Variants in RAB3C observed in about 807,000 individuals in gnomAD.
RAB3C encodes the protein ras-related protein Rab-3C.
A neutral mutation model predicts 26.4 loss-of-function variants in RAB3C; 17 were observed. That is an observed-to-expected ratio of 0.64 (90% confidence interval 0.44 to 0.97). The LOEUF is 0.97. Among genes scored for constraint, RAB3C ranks in the 50% least tolerant of loss-of-function variants. The pLI is 0.00. For missense variants in RAB3C, 242 were observed against 281.9 expected, an observed-to-expected ratio of 0.86 and a Z score of 1.01; for synonymous variants, 91 against 95.9, an observed-to-expected ratio of 0.95 and a Z score of 0.30.
chr5:58,636,008 G>A lies in RAB3C; in HGVS notation c.252+18138G>A, dbSNP rs545044252. 3.9e-5 allele frequency among the ~76,000 whole-genome samples: 6 copies of A among 152,316 alleles called. No homozygotes were observed. In the East Asian group the frequency reaches 1.2e-3, roughly 29 times the overall value. On this transcript the variant is annotated intron_variant, in intron 2 of 4. Transcript: ENST00000282878. ...ATGCTGTCAAATTAGGAAAGTTAAA[G>A]AACGGGCCAAAGAGAATATAGTATT...
chr5:58,589,661 C>G (rs567060017), intron 1 of RAB3C, among the ~76,000 whole-genome samples: 7 of 152,138 alleles, frequency 4.6e-5, no homozygotes, highest in African/African-American at 1.7e-4. Flanking sequence ...GAATAGCATC[C>G]CTCCCAAAAT....
chr5:58,849,894 TC>T (rs1270845964), intron 4 of RAB3C, among the ~76,000 whole-genome samples: 1 of 152,246 alleles, frequency 6.6e-6, no homozygotes, highest in Non-Finnish European at 1.5e-5. Flanking sequence ...CTGTTCTTTT[TC>T]CTTTGGCCCC....
At chr5:58,797,241 C>G (rs1472901267) in intron 3 of RAB3C, among the ~76,000 whole-genome samples, 3 of 150,976 alleles carry the variant, frequency 2.0e-5, no homozygotes, top group East Asian at 1.9e-4. Context: ...TAAATATCCT[C>G]TAGCTCACTG....
intron 3 of RAB3C, among the ~76,000 whole-genome samples, chr5:58,739,069 T>C (rs1258484993): frequency 6.6e-6 from 1 of 152,246 alleles, no homozygotes; most frequent in African/African-American, 2.4e-5. Context: ...TGTTGATTAT[T>C]CTGTTTAGAA....
chr5:58,822,953 G>A, intron 3 of RAB3C: 1 of 636,694 alleles, frequency 1.6e-6, no homozygotes, highest in Non-Finnish European at 3.0e-6. Flanking sequence ...TTTGGATGTA[G>A]GCCTTGCCAG....
chr5:58,694,520 C>T (rs1002392635), intron 2 of RAB3C, among the ~76,000 whole-genome samples: 15 of 152,316 alleles, frequency 9.8e-5, no homozygotes, highest in South Asian at 2.1e-4. Context: ...CTGTCTTCCA[C>T]GATGGTTGAA....
intron 3 of RAB3C, among the ~76,000 whole-genome samples, chr5:58,789,718 T>C (rs1231776717): frequency 1.3e-5 from 2 of 152,280 alleles, no homozygotes; most frequent in East Asian, 3.9e-4. Context: ...ATTCATAGAA[T>C]TATAAGATAG....
intron 2 of RAB3C, among the ~76,000 whole-genome samples, chr5:58,712,620 G>C (rs1055111179): frequency 2.0e-5 from 3 of 152,154 alleles, no homozygotes; most frequent in African/African-American, 7.2e-5. Context: ...TGCCTCCCGG[G>C]TTCAAGCGAT....
At chr5:58,608,390 C>T (rs2111701562) in intron 1 of RAB3C, among the ~76,000 whole-genome samples, 1 of 152,296 alleles carries the variant, frequency 6.6e-6, no homozygotes, top group East Asian at 1.9e-4. Flanking sequence ...TATGAACAGA[C>T]ACTTCTCAAA....
At chr5:58,605,722 AC>A (rs1341536707) in intron 1 of RAB3C, among the ~76,000 whole-genome samples, 3 of 152,052 alleles carry the variant, frequency 2.0e-5, no homozygotes, top group Non-Finnish European at 4.4e-5. Flanking sequence ...ACATAGTGAA[AC>A]CCTGTTTCTA....
intron 2 of RAB3C, among the ~76,000 whole-genome samples, chr5:58,724,920 C>A (rs1740855482): frequency 1.3e-5 from 2 of 151,802 alleles, no homozygotes; most frequent in Admixed American, 1.3e-4. Context: ...GCTGTAACTA[C>A]TGTTGTTTTC....
rs1330332419 is a variant in RAB3C, at chr5:58,812,895, G to A, written c.372-12143G>A. On this transcript the variant is annotated intron_variant, in intron 3 of 4. Coordinates refer to ENST00000282878, the MANE Select transcript of RAB3C (RefSeq NM_138453.4). ...TTTGATCCTCAAGAAATTTTGGCAG[G>A]AAAATGTATAGGTTTCTTTCTTTCC... is the stretch of plus-strand genomic sequence containing the variant. 2.0e-5 allele frequency among the ~76,000 whole-genome samples: 3 copies of A among 152,122 alleles called. No individual in the cohort carries two copies. In the East Asian group the frequency reaches 5.8e-4, roughly 29 times the overall value.
chr5:58,600,241 G>A (rs1459551261), intron 1 of RAB3C, among the ~76,000 whole-genome samples: 7 of 152,054 alleles, frequency 4.6e-5, no homozygotes, highest in African/African-American at 1.7e-4. Context: ...TGGTGACTAT[G>A]GCCTTATAGT....
chr5:58,824,742 T>G (rs1743434857), intron 3 of RAB3C, among the ~76,000 whole-genome samples: 1 of 152,172 alleles, frequency 6.6e-6, no homozygotes, highest in South Asian at 2.1e-4. Flanking sequence ...GTAAAGCTAT[T>G]ACATAAGGTG....
chr5:58,731,071 A>G (rs1431415083), intron 3 of RAB3C, among the ~76,000 whole-genome samples: 1 of 152,128 alleles, frequency 6.6e-6, no homozygotes, highest in Non-Finnish European at 1.5e-5. Flanking sequence ...ACCTCCCACT[A>G]GGTTCCTCCC....
chr5:58,685,159 T>C (rs1748418123), intron 2 of RAB3C, among the ~76,000 whole-genome samples: 1 of 152,162 alleles, frequency 6.6e-6, no homozygotes, highest in Non-Finnish European at 1.5e-5. Flanking sequence ...ACTGTCTATA[T>C]AGGGTTTTGT....
intron 3 of RAB3C, among the ~76,000 whole-genome samples, chr5:58,749,782 T>G (rs1417942826): frequency 6.6e-6 from 1 of 152,190 alleles, no homozygotes; most frequent in Non-Finnish European, 1.5e-5. Flanking sequence ...GTTATTAATT[T>G]TTTTGTTTCA....
chr5:58,604,002 C>T (rs771246389), intron 1 of RAB3C, among the ~76,000 whole-genome samples: 13 of 152,176 alleles, frequency 8.5e-5, no homozygotes, highest in Admixed American at 2.0e-4. Context: ...ACAAGGTATT[C>T]TCTTCATGTA....
At chr5:58,696,155 G>C (rs192270845) in intron 2 of RAB3C, among the ~76,000 whole-genome samples, 8 of 152,100 alleles carry the variant, frequency 5.3e-5, no homozygotes, top group African/African-American at 1.9e-4. Flanking sequence ...TTTGTTGAAG[G>C]CCTCTTCTGC....
Sources: gnomAD v4.1 joint callset for allele counts (sites outside exome capture counted in the v4.1 genomes callset) on GRCh38, gnomAD v4.1.1 for gene constraint, MANE v1.5 for transcripts, NCBI Gene and HGNC (gene_info 2026-07-23, HGNC 2026-07-21) for gene names.